SF3B3: variants seen among roughly 807,000 people sequenced by gnomAD.
The protein encoded by SF3B3 is splicing factor 3b subunit 3, also known as SAP 130.
A neutral mutation model predicts 139.2 loss-of-function variants in SF3B3; 33 were observed. The ratio of observed to expected loss-of-function variants is 0.24; its 90% CI spans 0.18 to 0.32. The LOEUF (loss-of-function observed/expected upper bound fraction) is 0.32. Ranked by LOEUF, SF3B3 falls within the 10% of genes least tolerant of loss-of-function variation. The probability of loss-of-function intolerance (pLI) is 1.00; values close to 1 mark genes in which losing one functional copy is unlikely to be tolerated. For synonymous variants in SF3B3, 596 were observed against 563.6 expected, an observed-to-expected ratio of 1.06 and a Z score of -0.81; for missense variants, 818 against 1,509.4, an observed-to-expected ratio of 0.54 and a Z score of 7.59.
At chr16:70,540,436 A>T (rs1447952544) in intron 8 of SF3B3, among the ~76,000 whole-genome samples, 1 of 151,794 alleles carries the variant, frequency 6.6e-6, no homozygotes. Context: ...GTTTCCCAGG[A>T]TGCTGGAGTG....
chr16:70,547,049 A>T (rs895937806), intron 10 of SF3B3, among the ~76,000 whole-genome samples: 5 of 151,680 alleles, frequency 3.3e-5, no homozygotes, highest in Non-Finnish European at 7.4e-5. Context: ...ATTTTTTTTT[A>T]AATTGTTGAA....
intron 24 of SF3B3, 131 bp downstream of exon 24, chr16:70,570,280 G>T: frequency 3.8e-6 from 3 of 792,038 alleles, no homozygotes; most frequent in Non-Finnish European, 5.7e-6. Flanking sequence ...AGTGACAGAA[G>T]TACTTGGGGA....
At chr16:70,546,379 C>T (rs956144490) in intron 10 of SF3B3, among the ~76,000 whole-genome samples, 8 of 152,182 alleles carry the variant, frequency 5.3e-5, no homozygotes, top group South Asian at 4.1e-4. Context: ...CGGCTGGGCA[C>T]GGTGGCGCAC....
chr16:70,561,831 A>C, intron 17 of SF3B3, 47 bp downstream of exon 17: 1 of 1,567,192 alleles, frequency 6.4e-7, no homozygotes, highest in Non-Finnish European at 8.8e-7. Context: ...CTTTCTGCCA[A>C]GGGCTCAGAC....
rs2050095695 is a variant in SF3B3, at chr16:70,529,153, T to C, written c.351T>C (p.Pro117=). The change falls in exon 3 of 26, where the codon CCT becomes CCC. Residue 117 remains proline (P), a synonymous_variant. Coordinates refer to ENST00000302516, the MANE Select transcript of SF3B3 (RefSeq NM_012426.5). The part of the protein sequence containing the change: ...FGKSGCRRIV[P]GQFLAVDPKG... ...AGAGTGGATGCCGTCGCATCGTTCC[T>C]GGCCAGTTCTTAGCTGTGGATCCCA... The C allele has an allele frequency of 1.2e-6, 2 of 1,614,162 alleles. No individual in the cohort carries two copies. Among genetic ancestry groups the C allele is most frequent in the Non-Finnish European group, 1.7e-6 (2 of 1,180,014 alleles).
intron 10 of SF3B3, 21 bp from the exon 11 acceptor site, chr16:70,548,349 G>A (rs751603873): frequency 5.9e-5 from 95 of 1,609,904 alleles, no homozygotes; most frequent in Non-Finnish European, 7.8e-5. Context: ...TGGATCTGTG[G>A]CTTCCCTCTT....
chr16:70,565,049 G>A lies in SF3B3; in HGVS notation c.2464-16G>A, dbSNP rs377663418. ...TCTGAGCACGCCAACTCAGTTACTCGTTTTTTTGGGTTTAGGAAATGGTGG... is the reference window on the plus strand; with the variant it reads ...TCTGAGCACGCCAACTCAGTTACTCATTTTTTTGGGTTTAGGAAATGGTGG... On this transcript the variant is annotated splice_polypyrimidine_tract_variant and intron_variant, in intron 18 of 25. Transcript: ENST00000302516. 21 of 1,612,406 alleles carry A rather than the reference G, an allele frequency of 1.3e-5. 1 individual carries two copies. Among genetic ancestry groups the A allele is most frequent in the Middle Eastern group, 4.0e-4 (2 of 4,974 alleles).
intron 10 of SF3B3, among the ~76,000 whole-genome samples, chr16:70,546,753 A>G (rs2050272247): frequency 6.6e-6 from 1 of 152,306 alleles, no homozygotes. Flanking sequence ...CCCCACTTCA[A>G]ATCTATAGAC....
chr16:70,541,949 A>T (rs11645437), intron 9 of SF3B3, 115 bp downstream of exon 9: 381,263 of 903,428 alleles, frequency 0.42, 84,032 homozygotes, highest in South Asian at 0.64. Context: ...AAGCAGTTAG[A>T]GGTAGAAGTT....
intron 24 of SF3B3, among the ~76,000 whole-genome samples, chr16:70,570,353 G>A (rs11864207): frequency 8.8e-5 from 5 of 56,530 alleles, no homozygotes; most frequent in Admixed American, 2.0e-4. Context: ...TTTTTTTTGC[G>A]ACGGAGTCTC....
rs2050537098 is a variant in SF3B3 at position 70,572,324 on chromosome 16, A to T, written c.*511A>T. 6.9e-6 allele frequency: 2 copies of T among 288,924 alleles called. No individual in the cohort carries two copies. Among genetic ancestry groups the T allele is most frequent in the East Asian group, 2.3e-4 (2 of 8,866 alleles). 17.9% of individuals were successfully genotyped at this position (288,924 alleles called of 1,614,324 possible). A position where few individuals can be genotyped will look rare whatever the true frequency, so the allele number is the denominator to read the frequency against. Reference sequence around the variant, plus strand: ...CTGGCATCCATGTGTCTTGTTCTGGAGATGAGGATGTAGGTGGGAGGTTTG... The same window carrying T: ...CTGGCATCCATGTGTCTTGTTCTGGTGATGAGGATGTAGGTGGGAGGTTTG... On this transcript the variant is annotated 3_prime_UTR_variant, in exon 26 of 26. Coordinates refer to ENST00000302516, the MANE Select transcript of SF3B3 (RefSeq NM_012426.5).
rs77231646 is a variant in SF3B3 at position 70,568,792 on chromosome 16, T to C, written c.3166-251T>C. Among the ~76,000 whole-genome samples, 1,030 of 152,356 alleles carry C rather than the reference T, an allele frequency of 6.8e-3. 18 individuals carry two copies. Among genetic ancestry groups the C allele is most frequent in the African/African-American group, 0.023 (977 of 41,592 alleles). ...TATAAGAACTTTGGAATGTCTGTTA[T>C]CTATGTTGTGTGGTTTTGGTTTTAC... On this transcript the variant is annotated intron_variant, in intron 22 of 25. Transcript: ENST00000302516.
intron 5 of SF3B3, among the ~76,000 whole-genome samples, chr16:70,533,008 A>C (rs2050135641): frequency 6.6e-6 from 1 of 152,334 alleles, no homozygotes; most frequent in East Asian, 1.9e-4. Context: ...TTGAAAACTT[A>C]AACAAAATAG....
intron 12 of SF3B3, 80 bp downstream of exon 12, chr16:70,554,677 T>C (rs375130442): frequency 2.1e-6 from 3 of 1,438,052 alleles, no homozygotes; most frequent in South Asian, 2.4e-5. Flanking sequence ...GCTGTGTTCA[T>C]GTCTCTTCAC....
chr16:70,566,010 G>A (rs1016121614), intron 20 of SF3B3, among the ~76,000 whole-genome samples: 19 of 152,026 alleles, frequency 1.2e-4, no homozygotes, highest in African/African-American at 4.1e-4. Context: ...CCAGCTGCTC[G>A]GGAGGCTAAG....
chr16:70,554,724 A>C, intron 12 of SF3B3, 127 bp downstream of exon 12: 1 of 944,380 alleles, frequency 1.1e-6, no homozygotes, highest in South Asian at 1.7e-5. Flanking sequence ...TAGGGAACAT[A>C]TGATTTGGGC....
intron 10 of SF3B3, among the ~76,000 whole-genome samples, chr16:70,547,929 G>C (rs901282899): frequency 2.0e-5 from 3 of 152,186 alleles, no homozygotes; most frequent in Non-Finnish European, 2.9e-5. Context: ...AGAAGGGAGA[G>C]GTGACTGCCA....
At position 70,568,504 on chromosome 16, in the gene SF3B3, ATGT is replaced by A. The variant is rs1567426189; in HGVS notation, c.3165+14_3165+16del. Reference sequence around the variant, plus strand: ...TTGGCAACATATGTGTGGTGAGTTGATGTTGTTAACTTGGGTTACAGTGATGTG... The same window carrying A: ...TTGGCAACATATGTGTGGTGAGTTGATGTTAACTTGGGTTACAGTGATGTG... On this transcript the variant is annotated intron_variant, in intron 22 of 25. Coordinates refer to ENST00000302516, the MANE Select transcript of SF3B3 (RefSeq NM_012426.5). 2 of 1,608,990 alleles carry A rather than the reference ATGT, an allele frequency of 1.2e-6. No homozygotes were observed. The highest frequency in any genetic ancestry group is 1.7e-5 in the Admixed American group (1 of 59,870).
At chr16:70,551,703 A>G (rs905053987) in intron 11 of SF3B3, among the ~76,000 whole-genome samples, 25 of 152,200 alleles carry the variant, frequency 1.6e-4, no homozygotes, top group African/African-American at 5.8e-4. Context: ...ACTCTCTCCA[A>G]AAAAAAACTA....
Sources: gnomAD v4.1 joint callset for allele counts (sites outside exome capture counted in the v4.1 genomes callset) on GRCh38, gnomAD v4.1.1 for gene constraint, MANE v1.5 for transcripts, NCBI Gene and HGNC (gene_info 2026-07-23, HGNC 2026-07-21) for gene names.